The following DSCAM variants were observed in gnomAD, a reference collection of about 807,000 sequenced individuals.
DSCAM encodes the protein cell adhesion molecule DSCAM.
Under a neutral mutation model 217.7 loss-of-function variants are expected in DSCAM, and 47 were observed. That is an observed-to-expected ratio of 0.22 (90% confidence interval 0.17 to 0.28). The LOEUF (loss-of-function observed/expected upper bound fraction) is 0.28. Among genes scored for constraint, DSCAM ranks in the 10% least tolerant of loss-of-function variants. DSCAM has a pLI of 1.00. For synonymous variants in DSCAM, 1,056 were observed against 1,015.3 expected (o/e 1.04, Z -0.76); for missense variants, 2,080 against 2,618.3 (o/e 0.79, Z 4.49).
chr21:40,634,936 T>C (rs1014258986), intron 3 of DSCAM, among the ~76,000 whole-genome samples: 4 of 152,210 alleles, frequency 2.6e-5, no homozygotes, highest in Admixed American at 6.5e-5. Context: ...GCATGTTACA[T>C]GTTTATTTTA....
chr21:40,514,008 C>T (rs2076280286), intron 3 of DSCAM, among the ~76,000 whole-genome samples: 1 of 152,158 alleles, frequency 6.6e-6, no homozygotes, highest in African/African-American at 2.4e-5. Context: ...AATGCAGTGA[C>T]AGATTGCATA....
intron 8 of DSCAM, among the ~76,000 whole-genome samples, chr21:40,320,567 A>T (rs953684627): frequency 1.3e-5 from 2 of 152,206 alleles, no homozygotes; most frequent in African/African-American, 4.8e-5. Context: ...CATATCCAAG[A>T]CTGGGCAATT....
intron 1 of DSCAM, among the ~76,000 whole-genome samples, chr21:40,751,696 G>T (rs2091230907): frequency 6.6e-6 from 1 of 152,114 alleles, no homozygotes. Context: ...CTACTGTAGG[G>T]TGGGGTGGGG....
intron 3 of DSCAM, among the ~76,000 whole-genome samples, chr21:40,506,869 CAA>C (rs1214348939): frequency 6.6e-6 from 1 of 152,018 alleles, no homozygotes; most frequent in Non-Finnish European, 1.5e-5. Flanking sequence ...TAGTGGTAAT[CAA>C]AAGAGGAAAA....
In DSCAM at chr21:40,374,122, C is replaced by T. The variant is rs529696279; in HGVS notation, c.509-4877G>A. ...TCATCTTGATGTAATCATTTCACAT[C>T]GTGTATACACATAGGTGTGTATATA... On this transcript the variant is annotated intron_variant, in intron 3 of 32. Coordinates refer to ENST00000400454, the MANE Select transcript of DSCAM (RefSeq NM_001389.5). Among the ~76,000 whole-genome samples, 23 of 152,150 alleles carry T rather than the reference C, an allele frequency of 1.5e-4. 1 individual carries two copies. Among genetic ancestry groups the T allele is most frequent in the Admixed American group, 3.9e-4 (6 of 15,286 alleles).
At chr21:40,347,055 C>G (rs1247199502) in intron 6 of DSCAM, among the ~76,000 whole-genome samples, 1 of 152,072 alleles carries the variant, frequency 6.6e-6, no homozygotes, top group Non-Finnish European at 1.5e-5. Flanking sequence ...AATCCCAGCA[C>G]TTTGGGGGGC....
chr21:40,322,890 T>C (rs1339798329), intron 8 of DSCAM, among the ~76,000 whole-genome samples: 2 of 152,156 alleles, frequency 1.3e-5, no homozygotes, highest in Non-Finnish European at 2.9e-5. Context: ...TGTATAGCCA[T>C]TTGACATCTA....
chr21:40,672,421 T>C (rs1172118373), intron 3 of DSCAM, among the ~76,000 whole-genome samples: 1 of 152,140 alleles, frequency 6.6e-6, no homozygotes, highest in East Asian at 1.9e-4. Flanking sequence ...CTATCCACTT[T>C]CTTTTATTTT....
intron 3 of DSCAM, among the ~76,000 whole-genome samples, chr21:40,461,605 C>T (rs1319681357): frequency 6.6e-6 from 1 of 152,130 alleles, no homozygotes; most frequent in Non-Finnish European, 1.5e-5. Flanking sequence ...AATACGTTTG[C>T]ATCCCAATCC....
intron 20 of DSCAM, among the ~76,000 whole-genome samples, chr21:40,122,117 C>A (rs768113299): frequency 6.6e-6 from 1 of 152,156 alleles, no homozygotes; most frequent in Non-Finnish European, 1.5e-5. Flanking sequence ...TCTAACAACA[C>A]CTGTGTGACT....
At chr21:40,494,659 A>C (rs1465444024) in intron 3 of DSCAM, among the ~76,000 whole-genome samples, 1 of 152,136 alleles carries the variant, frequency 6.6e-6, no homozygotes, top group Non-Finnish European at 1.5e-5. Context: ...AATTAAAAAA[A>C]AAAGATGATT....
intron 1 of DSCAM, among the ~76,000 whole-genome samples, chr21:40,810,267 A>G (rs558339467): frequency 2.6e-5 from 4 of 152,360 alleles, no homozygotes; most frequent in African/African-American, 7.2e-5. Flanking sequence ...TTGCACCCTC[A>G]GGTCTGTGCA....
intron 4 of DSCAM, 111 bp from the exon 5 acceptor site, chr21:40,353,854 A>T: frequency 1.0e-6 from 1 of 953,496 alleles, no homozygotes; most frequent in Non-Finnish European, 1.4e-6. Flanking sequence ...CCAACTATTG[A>T]TACAGATCTT....
intron 3 of DSCAM, among the ~76,000 whole-genome samples, chr21:40,388,265 C>A (rs943278839): frequency 1.3e-5 from 2 of 152,060 alleles, no homozygotes; most frequent in African/African-American, 4.8e-5. Context: ...GCGTGAGTAA[C>A]CCTAAACAAA....
chr21:40,425,531 A>ACCC (rs372959697), intron 3 of DSCAM, among the ~76,000 whole-genome samples: 9 of 145,242 alleles, frequency 6.2e-5, no homozygotes, highest in African/African-American at 2.0e-4. Flanking sequence ...GAATTTTTTT[A>ACCC]CCCCCCCCTA....
intron 11 of DSCAM, among the ~76,000 whole-genome samples, chr21:40,207,156 T>C (rs547753817): frequency 2.7e-4 from 41 of 152,210 alleles, no homozygotes; most frequent in African/African-American, 9.6e-4. Flanking sequence ...AGTATTATTA[T>C]GCAATAACAT....
At chr21:40,740,596 G>A (rs116659174) in intron 1 of DSCAM, among the ~76,000 whole-genome samples, 2 of 152,352 alleles carry the variant, frequency 1.3e-5, no homozygotes, top group African/African-American at 4.8e-5. Flanking sequence ...TTTCAAGAAT[G>A]TACAATTTCA....
intron 1 of DSCAM, among the ~76,000 whole-genome samples, chr21:40,840,336 G>T (rs1374656952): frequency 3.3e-5 from 5 of 152,196 alleles, no homozygotes; most frequent in African/African-American, 1.2e-4. Flanking sequence ...GATGTCCTGG[G>T]TGGCTCTTTG....
chr21:40,536,127 C>T (rs868501434), intron 3 of DSCAM, among the ~76,000 whole-genome samples: 5 of 152,120 alleles, frequency 3.3e-5, no homozygotes, highest in South Asian at 2.1e-4. Flanking sequence ...AGCAAATGTG[C>T]GAAAAACAAT....
Sources: allele counts gnomAD v4.1 joint callset (sites outside exome capture counted in the v4.1 genomes callset), GRCh38; gene constraint gnomAD v4.1.1; transcripts MANE v1.5; gene names NCBI Gene and HGNC (gene_info 2026-07-23, HGNC 2026-07-21).